Variants in RHOBTB2 observed in about 807,000 individuals in gnomAD.
RHOBTB2 encodes Rho related BTB domain containing 2.
A neutral mutation model predicts 66.5 loss-of-function variants in RHOBTB2; 39 were observed. That is an observed-to-expected ratio of 0.59 (90% CI 0.45 to 0.77). The LOEUF (loss-of-function observed/expected upper bound fraction) is 0.77. RHOBTB2 is among the 30% of genes least tolerant of loss of function. The probability of loss-of-function intolerance (pLI) is 0.00; values close to 1 mark genes in which losing one functional copy is unlikely to be tolerated. For missense variants in RHOBTB2, 755 were observed against 999.1 expected, an observed-to-expected ratio of 0.76 and a Z score of 3.29; for synonymous variants, 390 against 395.0, an observed-to-expected ratio of 0.99 and a Z score of 0.15.
At chr8:23,014,427 C>T (rs1409188453) in intron 7 of RHOBTB2, among the ~76,000 whole-genome samples, 6 of 152,204 alleles carry the variant, frequency 3.9e-5, no homozygotes, top group Admixed American at 3.3e-4. Context: ...GATTATGTCA[C>T]GGGACATACG....
the RHOBTB2 span, among the ~76,000 whole-genome samples, chr8:22,972,656 G>T: frequency 2.0e-5 from 3 of 152,196 alleles, no homozygotes; most frequent in Non-Finnish European, 4.4e-5. Flanking sequence ...CATCAGAGGC[G>T]CTCGGAGCAG....
chr8:22,995,981 T>C, upstream of RHOBTB2: 1 of 1,171,912 alleles, frequency 8.5e-7, no homozygotes, highest in Non-Finnish European at 1.2e-6. Context: ...TGCGTTGGGC[T>C]GGCACTGGGA....
chr8:22,952,375 C>A, the RHOBTB2 span, among the ~76,000 whole-genome samples: 1 of 152,102 alleles, frequency 6.6e-6, no homozygotes, highest in Non-Finnish European at 1.5e-5. Context: ...CCTTTAAAAT[C>A]CCCTGATTTC....
chr8:22,960,614 C>T, the RHOBTB2 span, among the ~76,000 whole-genome samples: 2 of 152,282 alleles, frequency 1.3e-5, 1 homozygote, highest in African/African-American at 4.8e-5. Context: ...CTGCACCCGG[C>T]CCCTGAGTTG....
the RHOBTB2 span, among the ~76,000 whole-genome samples, chr8:22,976,871 C>T: frequency 0.03 from 4,551 of 152,024 alleles, 133 homozygotes; most frequent in South Asian, 0.13. Context: ...AATGATCCAC[C>T]GGCCTCGGCC....
chr8:22,985,109 C>A (rs914405534), upstream of RHOBTB2, among the ~76,000 whole-genome samples: 13 of 152,060 alleles, frequency 8.5e-5, no homozygotes, highest in African/African-American at 2.9e-4. Flanking sequence ...CCAGTCTCAA[C>A]ACCACCCATA....
At chr8:22,967,949 G>T in the RHOBTB2 span, among the ~76,000 whole-genome samples, 1 of 152,210 alleles carries the variant, frequency 6.6e-6, no homozygotes, top group Non-Finnish European at 1.5e-5. Flanking sequence ...TTGAGTCCAG[G>T]AGTTCGAGAG....
chr8:23,011,557 G>C (rs927691413), intron 7 of RHOBTB2, among the ~76,000 whole-genome samples: 1 of 152,154 alleles, frequency 6.6e-6, no homozygotes, highest in Non-Finnish European at 1.5e-5. Context: ...AATCCCAGGG[G>C]CTCTCTGAGT....
At chr8:22,991,377 C>G (rs1263766590) in intron 1 of RHOBTB2, among the ~76,000 whole-genome samples, 2 of 152,022 alleles carry the variant, frequency 1.3e-5, no homozygotes, top group African/African-American at 4.8e-5. Context: ...GAAATCTCTG[C>G]TCAGGAAGTG....
At chr8:22,988,414 G>A (rs1009295082) in intron 1 of RHOBTB2, among the ~76,000 whole-genome samples, 5 of 151,718 alleles carry the variant, frequency 3.3e-5, no homozygotes, top group Non-Finnish European at 5.9e-5. Flanking sequence ...CGCCCACCTC[G>A]GCCTCCCAAA....
chr8:23,007,343 C>G lies in RHOBTB2; in HGVS notation c.1098C>G (p.Thr366=). 3 of 1,613,672 alleles carry G rather than the reference C, an allele frequency of 1.9e-6. No homozygotes were observed. Among genetic ancestry groups the G allele is most frequent in the Non-Finnish European group, 2.5e-6 (3 of 1,179,750 alleles). ...GTCCTGCTGGCCTCCGTGCTTCCAC[C>G]AGCGACGGGATCTTACGGGGCAACG... ...GSGPAGLRAS[T]SDGILRGNGT... Residue 366 remains threonine (T), a synonymous_variant, in exon 5 of 10, where the codon ACC becomes ACG. Transcript: ENST00000251822.
chr8:23,007,357 T>TA lies in RHOBTB2; in HGVS notation c.1113dup (p.Arg372ThrfsTer69). The TA allele has an allele frequency of 1.2e-6, 2 of 1,613,850 alleles. No individual in the cohort carries two copies. Among genetic ancestry groups the TA allele is most frequent in the Non-Finnish European group, 1.7e-6 (2 of 1,179,858 alleles). ...CGTGCTTCCACCAGCGACGGGATCT[T>TA]ACGGGGCAACGGAACAGGGTACCTA... is the stretch of plus-strand genomic sequence containing the variant. On this transcript the variant is annotated frameshift_variant, in exon 5 of 10. Transcript: ENST00000251822. LOFTEE classifies it high-confidence loss of function.
At chr8:22,979,467 A>G in the RHOBTB2 span, among the ~76,000 whole-genome samples, 1 of 152,104 alleles carries the variant, frequency 6.6e-6, no homozygotes, top group East Asian at 1.9e-4. Flanking sequence ...ACAATCATGT[A>G]CTGTGGATGT....
At chr8:22,975,121 C>T in the RHOBTB2 span, among the ~76,000 whole-genome samples, 1 of 152,232 alleles carries the variant, frequency 6.6e-6, no homozygotes, top group Admixed American at 6.5e-5. Context: ...GCCCACATCT[C>T]CAAACAGTTG....
At chr8:23,010,445 T>C in intron 6 of RHOBTB2, 93 bp from the exon 7 acceptor site, 26 of 1,425,554 alleles carry the variant, frequency 1.8e-5, no homozygotes, top group Non-Finnish European at 2.5e-5. Context: ...GGAGCCTGGG[T>C]GTGAGGGCCA....
chr8:22,961,706 C>A, the RHOBTB2 span, among the ~76,000 whole-genome samples: 1 of 152,108 alleles, frequency 6.6e-6, no homozygotes, highest in South Asian at 2.1e-4. Context: ...CTGAGGTTGT[C>A]TTTGAGAGCT....
intron 7 of RHOBTB2, among the ~76,000 whole-genome samples, chr8:23,012,422 C>A (rs1811173503): frequency 6.6e-6 from 1 of 152,182 alleles, no homozygotes; most frequent in African/African-American, 2.4e-5. Context: ...CACTAGGGAA[C>A]ATCCACAAAA....
In RHOBTB2 at chr8:23,004,397, T is replaced by C; in HGVS notation, c.-10-28T>C. The C allele has an allele frequency of 6.2e-7, 1 of 1,604,616 alleles. No individual in the cohort carries two copies. The highest frequency in any genetic ancestry group is 1.3e-5 in the African/African-American group (1 of 74,842). ...CACGGCGAGCTGGCATGCCATGCCGTCCTGACCGCCTCCCTCCTCTCCCTC... is the reference window on the plus strand; with the variant it reads ...CACGGCGAGCTGGCATGCCATGCCGCCCTGACCGCCTCCCTCCTCTCCCTC... On this transcript the variant is annotated intron_variant, in intron 1 of 9. Transcript: ENST00000251822. This position sits in a 1 kb window ranked among gnomAD's most constrained non-coding sequence, Gnocchi z 6.4.
chr8:23,009,679 C>T (rs1401724004), intron 6 of RHOBTB2, among the ~76,000 whole-genome samples: 2 of 152,146 alleles, frequency 1.3e-5, no homozygotes, highest in African/African-American at 4.8e-5. Context: ...CATCGCATCC[C>T]GTGATGTGGA....
Sources: gnomAD v4.1 joint callset for allele counts (sites outside exome capture counted in the v4.1 genomes callset) on GRCh38, gnomAD v4.1.1 for gene constraint, Gnocchi (gnomAD v3.1) non-coding constraint, MANE v1.5 for transcripts, NCBI Gene and HGNC (gene_info 2026-07-23, HGNC 2026-07-21) for gene names.